Variants in RCAN2 observed in about 807,000 individuals in gnomAD.
RCAN2 encodes calcipressin-2.
In RCAN2, 9 loss-of-function variants were observed where a neutral mutation model predicts 23.6. The ratio of observed to expected loss-of-function variants is 0.38; its 90% CI spans 0.23 to 0.67. The LOEUF is 0.67. RCAN2 is among the 30% of genes least tolerant of loss of function. RCAN2 has a pLI of 0.51. For synonymous variants in RCAN2, 109 were observed against 115.7 expected (o/e 0.94, Z 0.37); for missense variants, 273 against 302.3 (o/e 0.90, Z 0.72).
intron 2 of RCAN2, among the ~76,000 whole-genome samples, chr6:46,348,922 T>C (rs1396832526): frequency 6.6e-6 from 1 of 152,166 alleles, no homozygotes; most frequent in African/African-American, 2.4e-5. Flanking sequence ...GAGGACTCTT[T>C]ATCCCATATC....
rs1445513614 is a variant in RCAN2, at chr6:46,392,377, T to C, written c.225+64375A>G. ...ATCTGAAGCACTGCCATGTAGAAGA[T>C]GAATTAGCCTTACTGAAGCTGTTAA... On this transcript the variant is annotated intron_variant, in intron 2 of 4. Coordinates refer to ENST00000371374, the MANE Select transcript of RCAN2 (RefSeq NM_001251974.2). Among the ~76,000 whole-genome samples the C allele has an allele frequency of 4.6e-5, 7 of 152,220 alleles. No homozygotes were observed. The South Asian group carries it at 8.3e-4, about 18-fold the overall frequency.
At chr6:46,452,998 A>T (rs1767923587) in intron 2 of RCAN2, among the ~76,000 whole-genome samples, 1 of 152,186 alleles carries the variant, frequency 6.6e-6, no homozygotes, top group Admixed American at 6.5e-5. Flanking sequence ...TAAACATTTC[A>T]GTCATTGCTT....
chr6:46,470,437 C>G (rs1768527217), intron 1 of RCAN2, among the ~76,000 whole-genome samples: 1 of 152,194 alleles, frequency 6.6e-6, no homozygotes, highest in Non-Finnish European at 1.5e-5. Context: ...ATTTATAAAA[C>G]CTAGTTCAGT....
intron 2 of RCAN2, among the ~76,000 whole-genome samples, chr6:46,428,471 A>G (rs1230108135): frequency 6.6e-6 from 1 of 152,242 alleles, no homozygotes; most frequent in Non-Finnish European, 1.5e-5. Flanking sequence ...TTTGAACAGT[A>G]AACATAGTTG....
intron 2 of RCAN2, among the ~76,000 whole-genome samples, chr6:46,296,688 T>C (rs1400849083): frequency 2.0e-5 from 3 of 152,264 alleles, no homozygotes; most frequent in Non-Finnish European, 4.4e-5. Context: ...TGGCCCACCA[T>C]TTAGCTTCTT....
At chr6:46,262,152 A>T (rs1561833237) in intron 2 of RCAN2, among the ~76,000 whole-genome samples, 1 of 150,102 alleles carries the variant, frequency 6.7e-6, no homozygotes, top group African/African-American at 2.5e-5. Context: ...CCCTGAAGCC[A>T]TTTTTTTTTT....
intron 2 of RCAN2, among the ~76,000 whole-genome samples, chr6:46,373,626 T>C (rs1765383710): frequency 6.6e-6 from 1 of 152,182 alleles, no homozygotes; most frequent in South Asian, 2.1e-4. Flanking sequence ...TGTTCCCACA[T>C]TTTTTCCTTA....
intron 2 of RCAN2, among the ~76,000 whole-genome samples, chr6:46,344,695 A>C (rs1764430742): frequency 6.6e-6 from 1 of 152,006 alleles, no homozygotes. Flanking sequence ...GCAACCATTA[A>C]AAAATAACAA....
At chr6:46,370,872 A>G (rs1215855864) in intron 2 of RCAN2, among the ~76,000 whole-genome samples, 1 of 152,246 alleles carries the variant, frequency 6.6e-6, no homozygotes, top group Non-Finnish European at 1.5e-5. Flanking sequence ...CCAGGGCACC[A>G]CTAGAAGTCA....
rs1463707431 is a variant in RCAN2 at position 46,221,059 on chromosome 6, G to C, written c.*2082C>G. The C allele has an allele frequency of 6.6e-6, 1 of 152,466 alleles. No homozygotes were observed. The highest frequency in any genetic ancestry group is 1.5e-5 in the Non-Finnish European group (1 of 68,040). The allele number at this position is 152,466 out of a possible 1,614,324, so 9.4% of individuals were successfully genotyped here. A position where few individuals can be genotyped will look rare whatever the true frequency, so the allele number is the denominator to read the frequency against. ...TGAGACAGGTTAACATTGACACAGA[G>C]CAATAAGTTTTACTAAGACTAACTC... On this transcript the variant is annotated 3_prime_UTR_variant, in exon 5 of 5. Transcript: ENST00000371374.
chr6:46,288,159 C>T (rs889552732), intron 2 of RCAN2, among the ~76,000 whole-genome samples: 2 of 152,212 alleles, frequency 1.3e-5, no homozygotes, highest in Non-Finnish European at 2.9e-5. Context: ...TCTCACGTTG[C>T]AGCAACAGGC....
At chr6:46,315,033 C>T (rs1162989233) in intron 2 of RCAN2, among the ~76,000 whole-genome samples, 1 of 152,194 alleles carries the variant, frequency 6.6e-6, no homozygotes, top group African/African-American at 2.4e-5. Context: ...TGCATTCCAG[C>T]CTGGGCGATA....
chr6:46,250,640 C>G (rs1766677438), intron 2 of RCAN2, among the ~76,000 whole-genome samples: 1 of 152,192 alleles, frequency 6.6e-6, no homozygotes, highest in African/African-American at 2.4e-5. Flanking sequence ...GAGCCAGGAC[C>G]AGGCCAAAGT....
chr6:46,282,144 C>A (rs563380691), intron 2 of RCAN2, among the ~76,000 whole-genome samples: 2 of 152,322 alleles, frequency 1.3e-5, no homozygotes, highest in African/African-American at 4.8e-5. Context: ...AGAACAACTA[C>A]TTCGCATTTC....
At chr6:46,236,052 C>T (rs1005631742) in intron 4 of RCAN2, among the ~76,000 whole-genome samples, 1 of 152,212 alleles carries the variant, frequency 6.6e-6, no homozygotes, top group African/African-American at 2.4e-5. Flanking sequence ...AAGATGCATG[C>T]TATGATTATT....
At chr6:46,233,669 A>G (rs1765980914) in intron 4 of RCAN2, among the ~76,000 whole-genome samples, 1 of 152,156 alleles carries the variant, frequency 6.6e-6, no homozygotes, top group African/African-American at 2.4e-5. Flanking sequence ...ACACCTAACA[A>G]AGCTAGGCCT....
intron 1 of RCAN2, among the ~76,000 whole-genome samples, chr6:46,476,315 G>GA (rs1408653360): frequency 1.3e-5 from 2 of 152,098 alleles, no homozygotes; most frequent in African/African-American, 4.8e-5. Flanking sequence ...TGCATGAAGT[G>GA]AAACAAATAA....
intron 2 of RCAN2, among the ~76,000 whole-genome samples, chr6:46,396,669 T>C (rs2150400844): frequency 6.6e-6 from 1 of 152,322 alleles, no homozygotes; most frequent in African/African-American, 2.4e-5. Context: ...TGCTGTTACA[T>C]ATTATGAATA....
At chr6:46,407,589 A>G (rs2153615) in intron 2 of RCAN2, among the ~76,000 whole-genome samples, 92,820 of 152,076 alleles carry the variant, frequency 0.61, 28,894 homozygotes, top group African/African-American at 0.74. Flanking sequence ...GCTTTATGGA[A>G]GGAGTGCATC....
Sources: gnomAD v4.1 joint callset for allele counts (sites outside exome capture counted in the v4.1 genomes callset) on GRCh38, gnomAD v4.1.1 for gene constraint, MANE v1.5 for transcripts, NCBI Gene and HGNC (gene_info 2026-07-23, HGNC 2026-07-21) for gene names.